Variants in CRIM1 observed in about 807,000 individuals in gnomAD.
The protein encoded by CRIM1 is cysteine rich transmembrane BMP regulator 1.
CRIM1 carries 32 observed loss-of-function variants against 116.4 expected under a neutral mutation model. The ratio of observed to expected loss-of-function variants is 0.27; its 90% CI spans 0.21 to 0.37. The LOEUF (loss-of-function observed/expected upper bound fraction) is 0.37, where lower values mean the gene tolerates loss of function less well. CRIM1 is among the 10% of genes least tolerant of loss of function. The pLI is 1.00. For synonymous variants in CRIM1, 590 were observed against 509.2 expected, an observed-to-expected ratio of 1.16 and a Z score of -2.13; for missense variants, 1,331 against 1,354.8, an observed-to-expected ratio of 0.98 and a Z score of 0.28.
chr2:36,449,216 C>G (rs1676493569), intron 4 of CRIM1, among the ~76,000 whole-genome samples: 1 of 152,144 alleles, frequency 6.6e-6, no homozygotes, highest in Non-Finnish European at 1.5e-5. Context: ...GAGCTCAACA[C>G]AGGAGGCAGG....
At chr2:36,466,388 A>G (rs531220433) in intron 5 of CRIM1, among the ~76,000 whole-genome samples, 2 of 152,304 alleles carry the variant, frequency 1.3e-5, no homozygotes, top group African/African-American at 4.8e-5. Context: ...TTATTTAGCC[A>G]GTAATCACAT....
At chr2:36,545,514 T>G (rs938093237) in intron 15 of CRIM1, among the ~76,000 whole-genome samples, 12 of 151,644 alleles carry the variant, frequency 7.9e-5, no homozygotes, top group African/African-American at 2.7e-4. Context: ...AAAGAGAAAT[T>G]TTCTCATGCA....
At chr2:36,543,227 C>A (rs1187445130) in intron 14 of CRIM1, among the ~76,000 whole-genome samples, 1 of 152,132 alleles carries the variant, frequency 6.6e-6, no homozygotes, top group Non-Finnish European at 1.5e-5. Flanking sequence ...TTTAACTTAA[C>A]CTCTCTGGGT....
chr2:36,360,113 T>C (rs929142821), intron 1 of CRIM1, among the ~76,000 whole-genome samples: 1 of 152,240 alleles, frequency 6.6e-6, no homozygotes, highest in African/African-American at 2.4e-5. Context: ...GTGAGAATTA[T>C]GTTTTGAGCT....
At chr2:36,521,495 A>G (rs539461040) in intron 12 of CRIM1, among the ~76,000 whole-genome samples, 1 of 152,330 alleles carries the variant, frequency 6.6e-6, no homozygotes, top group Admixed American at 6.5e-5. Context: ...TTTTACATAT[A>G]TGACAAGACA....
intron 4 of CRIM1, among the ~76,000 whole-genome samples, chr2:36,459,412 C>G (rs1677410841): frequency 6.6e-6 from 1 of 152,168 alleles, no homozygotes. Context: ...TAACCCCTGA[C>G]TTAGTATCCA....
chr2:36,503,219 G>T (rs1296138479), intron 8 of CRIM1, among the ~76,000 whole-genome samples: 1 of 152,168 alleles, frequency 6.6e-6, no homozygotes, highest in African/African-American at 2.4e-5. Context: ...AGCAGCTTTT[G>T]TGTTGCACAG....
chr2:36,463,474 C>T (rs997748207), intron 4 of CRIM1, among the ~76,000 whole-genome samples: 21 of 152,090 alleles, frequency 1.4e-4, no homozygotes, highest in African/African-American at 4.6e-4. Context: ...GCCAGGATGT[C>T]TTTTTTTAGG....
intron 7 of CRIM1, among the ~76,000 whole-genome samples, 195 bp downstream of exon 7, chr2:36,479,889 T>C (rs945284323): frequency 1.3e-5 from 2 of 152,272 alleles, no homozygotes; most frequent in African/African-American, 2.4e-5. Context: ...GAGAATAGTG[T>C]GGTCATTATT....
At chr2:36,426,978 G>A (rs576384393) in intron 2 of CRIM1, among the ~76,000 whole-genome samples, 5 of 152,174 alleles carry the variant, frequency 3.3e-5, no homozygotes, top group African/African-American at 9.6e-5. Flanking sequence ...TGAGGCGGGT[G>A]GATCACGAGG....
At chr2:36,441,553 A>C in intron 3 of CRIM1, 53 bp downstream of exon 3, 2 of 1,588,720 alleles carry the variant, frequency 1.3e-6, no homozygotes, top group Non-Finnish European at 1.7e-6. Flanking sequence ...AGAGGGTAGC[A>C]GATCCCTCCT....
intron 1 of CRIM1, among the ~76,000 whole-genome samples, chr2:36,371,247 GCCATCCC>G (rs1339319290): frequency 5.3e-5 from 8 of 152,010 alleles, no homozygotes; most frequent in South Asian, 2.1e-4. Context: ...AAAAAGTAAT[GCCATCCC>G]CCATCCCCCA....
intron 2 of CRIM1, among the ~76,000 whole-genome samples, chr2:36,408,239 G>A (rs1023403237): frequency 1.3e-5 from 2 of 152,216 alleles, no homozygotes; most frequent in East Asian, 1.9e-4. Context: ...AACCCAGGAT[G>A]CCTAAAAAAT....
chr2:36,522,436 C>CA (rs1665457640), intron 13 of CRIM1, 123 bp downstream of exon 13: 4 of 727,112 alleles, frequency 5.5e-6, no homozygotes, highest in South Asian at 5.0e-5. Context: ...ACATGTCACA[C>CA]AGACCCAGTG....
At chr2:36,533,440 A>C (rs1040557321) in intron 13 of CRIM1, among the ~76,000 whole-genome samples, 2 of 151,862 alleles carry the variant, frequency 1.3e-5, no homozygotes. Context: ...AAAAAAAAAA[A>C]AAACCCTAAA....
chr2:36,367,842 T>G (rs554946341), intron 1 of CRIM1, among the ~76,000 whole-genome samples: 1 of 152,364 alleles, frequency 6.6e-6, no homozygotes, highest in South Asian at 2.1e-4. Context: ...TGGCTGAGTC[T>G]GGATTCAGGG....
chr2:36,479,579 C>G lies in CRIM1; in HGVS notation c.1257C>G (p.Asp419Glu). 6.2e-7 allele frequency: 1 copy of G among 1,614,208 alleles called. No individual in the cohort carries two copies. The highest frequency in any genetic ancestry group is 8.5e-7 in the Non-Finnish European group (1 of 1,180,036). The change falls in exon 7 of 17, where the codon GAC becomes GAG. Residue 419 changes from aspartate to glutamate, a missense_variant. By Grantham distance (45) the Asp-to-Glu change is conservative. Transcript: ENST00000280527. ...CCCACGGAGACCGGTGGCGGGAAGA[C>G]GACTGCACATTCTGCCAGTGCGTCA... ...ILAHGDRWRE[D>E]DCTFCQCVNG...
Position 36,550,052 on chromosome 2 carries a change from T to C in CRIM1, c.*1351T>C, listed in dbSNP as rs1284329258. On this transcript the variant is annotated 3_prime_UTR_variant, in exon 17 of 17. Coordinates refer to ENST00000280527, the MANE Select transcript of CRIM1 (RefSeq NM_016441.3). The stretch of plus-strand genomic sequence containing the variant: ...GTGTGAGAGTATGTATGTGTGTGTG[T>C]GTGTGTGTGTGTGTGCGCGCGCACG... 6.8e-6 allele frequency: 1 copy of C among 147,338 alleles called. No individual in the cohort carries two copies. Among genetic ancestry groups the C allele is most frequent in the South Asian group, 2.4e-4 (1 of 4,226 alleles). 9.1% of individuals were successfully genotyped at this position (147,338 alleles called of 1,614,324 possible).
chr2:36,434,035 G>A (rs563184717), intron 2 of CRIM1, among the ~76,000 whole-genome samples: 10 of 152,208 alleles, frequency 6.6e-5, no homozygotes, highest in African/African-American at 1.7e-4. Flanking sequence ...ATGATTGTGC[G>A]GAACAAGTCT....
Sources: allele counts gnomAD v4.1 joint callset (sites outside exome capture counted in the v4.1 genomes callset), GRCh38; gene constraint gnomAD v4.1.1; transcripts MANE v1.5; gene names NCBI Gene and HGNC (gene_info 2026-07-23, HGNC 2026-07-21).